WDTC1: variants seen among roughly 807,000 people sequenced by gnomAD.
WDTC1 encodes the protein WD and tetratricopeptide repeats protein 1.
A neutral mutation model predicts 76.0 loss-of-function variants in WDTC1; 12 were observed. The ratio of observed to expected loss-of-function variants is 0.16; its 90% confidence interval spans 0.10 to 0.26. WDTC1 has a LOEUF of 0.26. Ranked by LOEUF, WDTC1 falls within the 10% of genes least tolerant of loss-of-function variation. WDTC1 has a pLI of 1.00. For synonymous variants in WDTC1, 326 were observed against 350.8 expected (o/e 0.93, Z 0.79); for missense variants, 511 against 908.8 (o/e 0.56, Z 5.63).
At chr1:27,253,778 A>G (rs1557481823) in intron 1 of WDTC1, among the ~76,000 whole-genome samples, 2 of 152,284 alleles carry the variant, frequency 1.3e-5, no homozygotes, top group South Asian at 4.1e-4. Flanking sequence ...TAATTTGCAT[A>G]CTGCACCAGG....
intron 6 of WDTC1, among the ~76,000 whole-genome samples, chr1:27,289,780 GGAGACC>G (rs2013477650): frequency 1.3e-5 from 2 of 151,888 alleles, no homozygotes; most frequent in Non-Finnish European, 2.9e-5. Flanking sequence ...GTTAGGAGCT[GGAGACC>G]GGCCCGGCCA....
intron 1 of WDTC1, among the ~76,000 whole-genome samples, chr1:27,235,394 C>CTGTGTGTGTGTGTG (rs139665541): frequency 1.4e-5 from 2 of 141,116 alleles, no homozygotes; most frequent in Non-Finnish European, 3.1e-5. Flanking sequence ...CTCTCTCTTT[C>CTGTGTGTGTGTGTG]TGTGTGTGTG....
Position 27,274,801 on chromosome 1 carries a change from C to T in WDTC1, c.133-7438C>T, listed in dbSNP as rs1298105034. 6.6e-6 allele frequency among the ~76,000 whole-genome samples: 1 copy of T among 152,150 alleles called. No individual in the cohort carries two copies. The highest frequency in any genetic ancestry group is 1.5e-5 in the Non-Finnish European group (1 of 68,022). On this transcript the variant is annotated intron_variant, in intron 3 of 15. Transcript: ENST00000319394. This position sits in a 1 kb window ranked among gnomAD's most constrained non-coding sequence, Gnocchi z 4.2. ...ATTTTGTATGTATTACCAGGGATCT[C>T]CCAAGATCACCTTGGAAGTTGTGAT...
At chr1:27,272,503 G>A (rs1011630424) in intron 3 of WDTC1, among the ~76,000 whole-genome samples, 18 of 152,220 alleles carry the variant, frequency 1.2e-4, no homozygotes, top group Non-Finnish European at 2.6e-4. Context: ...CAGTATTGCT[G>A]TAGCAATTCC....
intron 1 of WDTC1, among the ~76,000 whole-genome samples, chr1:27,235,394 CTGTGTGTGTGTGTGTGTGTGTGTG>C (rs139665541): frequency 2.8e-5 from 4 of 141,116 alleles, no homozygotes; most frequent in African/African-American, 8.0e-5. Context: ...CTCTCTCTTT[CTGTGTGTGTGTGTGTGTGTGTGTG>C]TGTGTGTGTG....
Position 27,303,862 on chromosome 1 carries a change from G to T in WDTC1, c.1643+67G>T. 1.3e-6 allele frequency: 2 copies of T among 1,581,496 alleles called. No individual in the cohort carries two copies. The highest frequency in any genetic ancestry group is 1.7e-6 in the Non-Finnish European group (2 of 1,162,256). On this transcript the variant is annotated intron_variant, in intron 14 of 15. Coordinates refer to ENST00000319394, the MANE Select transcript of WDTC1 (RefSeq NM_001276252.2). The surrounding 1 kb of genome is among the most constrained non-coding windows in gnomAD (Gnocchi z 4.8). ...GGGAGGTTGAGTGGGGAGTGTTGGGGCATAATGGTTTCAGAGAAGAATCTC... is the reference window on the plus strand; with the variant it reads ...GGGAGGTTGAGTGGGGAGTGTTGGGTCATAATGGTTTCAGAGAAGAATCTC...
At chr1:27,266,164 G>A (rs1335964144) in intron 3 of WDTC1, among the ~76,000 whole-genome samples, 18 of 152,072 alleles carry the variant, frequency 1.2e-4, no homozygotes, top group Admixed American at 1.2e-3. Context: ...AAGGGTCCAG[G>A]ACCAAGAACC....
chr1:27,235,355 C>T (rs2011472101), intron 1 of WDTC1, among the ~76,000 whole-genome samples: 1 of 151,596 alleles, frequency 6.6e-6, no homozygotes, highest in African/African-American at 2.4e-5. Context: ...GCCCTCTTAG[C>T]TTCTCGCTCT....
At chr1:27,253,706 T>C (rs1329714908) in intron 1 of WDTC1, among the ~76,000 whole-genome samples, 1 of 152,044 alleles carries the variant, frequency 6.6e-6, no homozygotes, top group African/African-American at 2.4e-5. Context: ...GAAAATTTTA[T>C]TTTATGAATT....
intron 3 of WDTC1, among the ~76,000 whole-genome samples, chr1:27,272,673 T>G (rs781462910): frequency 6.6e-6 from 1 of 152,136 alleles, no homozygotes; most frequent in Non-Finnish European, 1.5e-5. Context: ...TATAAACTCA[T>G]GATTTTAAAA....
At position 27,268,876 on chromosome 1, in the gene WDTC1, A is replaced by G. The variant is rs1369622826; in HGVS notation, c.132+5641A>G. Among the ~76,000 whole-genome samples the G allele has an allele frequency of 8.8e-5, 13 of 147,746 alleles. No homozygotes were observed. In the East Asian group the frequency reaches 1.0e-3, roughly 12 times the overall value. Reference sequence around the variant, plus strand: ...ACTACAGGTGCACGCCACCACACCCAGCTAATTTTTGTATTTTTAGTAGAG... The same window carrying G: ...ACTACAGGTGCACGCCACCACACCCGGCTAATTTTTGTATTTTTAGTAGAG... On this transcript the variant is annotated intron_variant, in intron 3 of 15. Transcript: ENST00000319394.
intron 5 of WDTC1, among the ~76,000 whole-genome samples, chr1:27,284,649 A>T (rs2013279876): frequency 2.0e-5 from 3 of 152,260 alleles, no homozygotes; most frequent in African/African-American, 7.2e-5. Context: ...TTAGTTTAGC[A>T]TCAGAGCACA....
At chr1:27,294,138 G>A in intron 8 of WDTC1, 22 bp downstream of exon 8, 1 of 1,609,962 alleles carries the variant, frequency 6.2e-7, no homozygotes, top group Non-Finnish European at 8.5e-7. Flanking sequence ...CACAGCTCTG[G>A]CCCCAAACTC....
At chr1:27,263,074 A>G in intron 2 of WDTC1, 78 bp from the exon 3 acceptor site, 1 of 1,502,818 alleles carries the variant, frequency 6.7e-7, no homozygotes, top group Non-Finnish European at 9.2e-7. Flanking sequence ...CCCAGGAAAG[A>G]GCTGGATATA....
At position 27,246,935 on chromosome 1, in the gene WDTC1, T is replaced by C. The variant is rs143338701; in HGVS notation, c.-100+11984T>C. On this transcript the variant is annotated intron_variant, in intron 1 of 15. Transcript: ENST00000319394. ...AGCCTGGAGTCCAGTGCCACAAACA[T>C]AGCTCACTGCAGCCTCAAACTCCTG... is the stretch of plus-strand genomic sequence containing the variant. Among the ~76,000 whole-genome samples the C allele has an allele frequency of 2.1e-3, 305 of 143,352 alleles. 1 individual carries two copies. The highest frequency in any genetic ancestry group is 7.5e-3 in the African/African-American group (291 of 38,894). 94.0% of individuals were successfully genotyped at this position (143,352 alleles called of 152,430 possible). A position where few individuals can be genotyped will look rare whatever the true frequency, so the allele number is the denominator to read the frequency against.
intron 1 of WDTC1, among the ~76,000 whole-genome samples, chr1:27,253,344 T>TTTCTTCTTTCTTCTTTC (rs1557481313): frequency 2.0e-4 from 30 of 150,188 alleles, no homozygotes; most frequent in Non-Finnish European, 7.4e-5. Context: ...CTTCTTCTTC[T>TTTCTTCTTTCTTCTTTC]TTCTTCTTTC....
chr1:27,237,776 G>A (rs1451444651), intron 1 of WDTC1, among the ~76,000 whole-genome samples: 5 of 150,448 alleles, frequency 3.3e-5, no homozygotes, highest in Non-Finnish European at 7.4e-5. Context: ...CAGGAAAATC[G>A]CTTGAACCCA....
chr1:27,236,902 G>T (rs1383197810), intron 1 of WDTC1, among the ~76,000 whole-genome samples: 1 of 152,064 alleles, frequency 6.6e-6, no homozygotes, highest in Non-Finnish European at 1.5e-5. Flanking sequence ...GCAGTGGCGC[G>T]ATCTCAGCTC....
chr1:27,290,211 A>G (rs992438267), intron 6 of WDTC1, among the ~76,000 whole-genome samples: 4 of 151,880 alleles, frequency 2.6e-5, no homozygotes, highest in Non-Finnish European at 5.9e-5. Context: ...CCTCCTGAAT[A>G]CCTGGGACTA....
Sources: gnomAD v4.1 joint callset for allele counts (sites outside exome capture counted in the v4.1 genomes callset) on GRCh38, gnomAD v4.1.1 for gene constraint, Gnocchi (gnomAD v3.1) non-coding constraint, MANE v1.5 for transcripts, NCBI Gene and HGNC (gene_info 2026-07-23, HGNC 2026-07-21) for gene names.